Variants in SPECC1 observed in about 807,000 individuals in gnomAD.
SPECC1 encodes sperm antigen with calponin homology and coiled-coil domains 1, also known as cytospin-B.
Under a neutral mutation model 104.1 loss-of-function variants are expected in SPECC1, and 62 were observed. That is an observed-to-expected ratio of 0.60 (90% CI 0.49 to 0.74). The LOEUF (loss-of-function observed/expected upper bound fraction) is 0.74, where lower values mean the gene tolerates loss of function less well. Among genes scored for constraint, SPECC1 ranks in the 30% least tolerant of loss-of-function variants. SPECC1 has a pLI of 0.00. For synonymous variants in SPECC1, 513 were observed against 501.6 expected (o/e 1.02, Z -0.30); for missense variants, 1,306 against 1,310.5 (o/e 1.00, Z 0.05).
At chr17:20,246,162 C>G (rs2039414311) in intron 8 of SPECC1, 91 bp downstream of exon 8, 2 of 1,499,098 alleles carry the variant, frequency 1.3e-6, no homozygotes, top group Non-Finnish European at 1.8e-6. Context: ...CACCCTGGCC[C>G]TGTGTTGTTA....
intron 3 of SPECC1, among the ~76,000 whole-genome samples, chr17:20,144,152 A>G (rs1037673868): frequency 7.9e-5 from 9 of 114,266 alleles, no homozygotes; most frequent in Non-Finnish European, 1.7e-4. Flanking sequence ...GAAAAATATT[A>G]TTTAATACTG....
At chr17:20,158,841 C>G (rs1432508914) in intron 3 of SPECC1, among the ~76,000 whole-genome samples, 1 of 152,178 alleles carries the variant, frequency 6.6e-6, no homozygotes, top group African/African-American at 2.4e-5. Flanking sequence ...TCACTGCAGC[C>G]TTGACCTTCC....
Position 20,135,801 on chromosome 17 carries a change from T to C in SPECC1, c.283+25239T>C, listed in dbSNP as rs140145780. On this transcript the variant is annotated intron_variant, in intron 3 of 14. Transcript: ENST00000395527. ...TTGCAGGGAATTACATTAGGAACCA[T>C]GTGTGGGGGACCAGAAGATAAGACT... is the stretch of plus-strand genomic sequence containing the variant. Among the ~76,000 whole-genome samples the C allele has an allele frequency of 1.6e-3, 242 of 152,210 alleles. 1 individual carries two copies. The highest frequency in any genetic ancestry group is 5.7e-3 in the African/African-American group (235 of 41,502).
chr17:20,023,312 C>T (rs1157663829), intron 1 of SPECC1, among the ~76,000 whole-genome samples: 1 of 152,180 alleles, frequency 6.6e-6, no homozygotes, highest in African/African-American at 2.4e-5. Flanking sequence ...TGTCTTCCTT[C>T]TCTTGTTTTT....
chr17:20,269,180 T>G (rs771880333), intron 12 of SPECC1, among the ~76,000 whole-genome samples: 12 of 152,234 alleles, frequency 7.9e-5, no homozygotes, highest in Non-Finnish European at 1.2e-4. Context: ...CTTAACCCAG[T>G]AGGCCTGGGA....
At chr17:20,210,969 T>C (rs1380060514) in intron 4 of SPECC1, among the ~76,000 whole-genome samples, 2 of 152,164 alleles carry the variant, frequency 1.3e-5, no homozygotes, top group African/African-American at 4.8e-5. Context: ...GCTTTCCGCC[T>C]CAGTTATGGG....
intron 5 of SPECC1, among the ~76,000 whole-genome samples, chr17:20,227,985 G>A (rs1467085867): frequency 6.6e-6 from 1 of 152,080 alleles, no homozygotes; most frequent in African/African-American, 2.4e-5. Flanking sequence ...GGGTTTGACT[G>A]TATGTTGGCT....
intron 3 of SPECC1, among the ~76,000 whole-genome samples, chr17:20,191,086 T>C (rs2035638355): frequency 6.6e-6 from 1 of 152,166 alleles, no homozygotes; most frequent in African/African-American, 2.4e-5. Context: ...TTAATAGTTA[T>C]TTCATTTTAA....
intron 1 of SPECC1, among the ~76,000 whole-genome samples, chr17:20,039,141 G>T (rs889652005): frequency 6.6e-6 from 1 of 152,136 alleles, no homozygotes; most frequent in Non-Finnish European, 1.5e-5. Flanking sequence ...CCAAGCCTTC[G>T]GCAATCACTA....
intron 3 of SPECC1, among the ~76,000 whole-genome samples, chr17:20,164,660 CA>C (rs2033488162): frequency 6.6e-6 from 1 of 152,208 alleles, no homozygotes; most frequent in Non-Finnish European, 1.5e-5. Context: ...TTAGTTTTCT[CA>C]ACCTTCATCT....
chr17:20,220,545 T>C (rs2037807487), intron 4 of SPECC1, among the ~76,000 whole-genome samples: 1 of 146,162 alleles, frequency 6.8e-6, no homozygotes, highest in African/African-American at 2.6e-5. Flanking sequence ...ACTGAATTTA[T>C]CAGTTCTTAA....
intron 3 of SPECC1, among the ~76,000 whole-genome samples, chr17:20,173,307 C>T (rs1400880924): frequency 1.3e-5 from 2 of 152,166 alleles, no homozygotes; most frequent in Non-Finnish European, 1.5e-5. Context: ...GACCATTACT[C>T]CCAAAGAAGT....
chr17:20,258,631 C>T (rs573771738), intron 11 of SPECC1, among the ~76,000 whole-genome samples: 1 of 152,374 alleles, frequency 6.6e-6, no homozygotes, highest in African/African-American at 2.4e-5. Flanking sequence ...CCTCCCTCCA[C>T]CTGAGCCTGT....
chr17:20,108,863 C>A (rs2048351215), intron 2 of SPECC1, among the ~76,000 whole-genome samples: 1 of 152,214 alleles, frequency 6.6e-6, no homozygotes, highest in Non-Finnish European at 1.5e-5. Flanking sequence ...ACTTAGGAGT[C>A]TCCCTTCTTC....
At chr17:20,097,645 C>T (rs564732676) in intron 2 of SPECC1, among the ~76,000 whole-genome samples, 1 of 152,166 alleles carries the variant, frequency 6.6e-6, no homozygotes, top group Admixed American at 6.5e-5. Context: ...AGTTCTGAAC[C>T]AAGCATGGTG....
intron 3 of SPECC1, among the ~76,000 whole-genome samples, chr17:20,145,458 G>C (rs937664257): frequency 1.3e-5 from 2 of 152,200 alleles, no homozygotes; most frequent in Non-Finnish European, 2.9e-5. Flanking sequence ...CGACCACCCT[G>C]ATTGTGCTGG....
At chr17:20,056,426 T>C (rs890467107) in intron 1 of SPECC1, 1 of 190,612 alleles carries the variant, frequency 5.2e-6, no homozygotes, top group South Asian at 1.1e-4. Flanking sequence ...GCTTGTATCA[T>C]GGAGTGTCAG....
intron 3 of SPECC1, among the ~76,000 whole-genome samples, chr17:20,200,038 G>T (rs908485079): frequency 6.6e-6 from 1 of 152,130 alleles, no homozygotes; most frequent in Non-Finnish European, 1.5e-5. Flanking sequence ...TGATCCACCC[G>T]CCTTGACCTC....
rs1314908295 is a variant in SPECC1, at chr17:20,253,486, G to A, written c.2599-19G>A. 2 of 1,613,572 alleles carry A rather than the reference G, an allele frequency of 1.2e-6. No individual in the cohort carries two copies. Among genetic ancestry groups the A allele is most frequent in the East Asian group, 4.5e-5 (2 of 44,878 alleles). ...GATGTTATGAGCTCACCGTGCTGGT[G>A]TCCCCCTGGTTTTTACAGAGGCATT... On this transcript the variant is annotated intron_variant, in intron 9 of 14. Coordinates refer to ENST00000395527, the MANE Select transcript of SPECC1 (RefSeq NM_001243439.2).
Sources: gnomAD v4.1 joint callset for allele counts (sites outside exome capture counted in the v4.1 genomes callset) on GRCh38, gnomAD v4.1.1 for gene constraint, MANE v1.5 for transcripts, NCBI Gene and HGNC (gene_info 2026-07-23, HGNC 2026-07-21) for gene names.